SLC24A2: variants seen among roughly 807,000 people sequenced by gnomAD.
The protein encoded by SLC24A2 is sodium/potassium/calcium exchanger 2.
SLC24A2 carries 36 observed loss-of-function variants against 62.0 expected under a neutral mutation model. That is an observed-to-expected ratio of 0.58 (90% CI 0.44 to 0.77). The LOEUF (loss-of-function observed/expected upper bound fraction) is 0.77. SLC24A2 is among the 30% of genes least tolerant of loss of function. The pLI, the probability that SLC24A2 is intolerant of heterozygous loss-of-function variation, is 0.00. For synonymous variants in SLC24A2, 358 were observed against 294.0 expected, an observed-to-expected ratio of 1.22 and a Z score of -2.23; for missense variants, 846 against 817.9, an observed-to-expected ratio of 1.03 and a Z score of -0.42.
chr9:20,217,362 G>A, the SLC24A2 span, among the ~76,000 whole-genome samples: 1 of 152,166 alleles, frequency 6.6e-6, no homozygotes, highest in African/African-American at 2.4e-5. Flanking sequence ...GGCACTTCTG[G>A]TGTCCAGGTG....
At position 19,532,255 on chromosome 9, in the gene SLC24A2, C is replaced by T. The variant is rs112545646; in HGVS notation, c.1480-4117G>A. ...GATTACAGGGATGTGCCACCATGCCCGGCTAATTTTTTGTATTTTTAGTAG... is the reference window on the plus strand; with the variant it reads ...GATTACAGGGATGTGCCACCATGCCTGGCTAATTTTTTGTATTTTTAGTAG... On this transcript the variant is annotated intron_variant, in intron 8 of 10. Coordinates refer to ENST00000341998, the MANE Select transcript of SLC24A2 (RefSeq NM_020344.4). Among the ~76,000 whole-genome samples, 112 of 152,078 alleles carry T rather than the reference C, an allele frequency of 7.4e-4. 1 individual carries two copies. The highest frequency in any genetic ancestry group is 2.2e-3 in the African/African-American group (92 of 41,470).
At chr9:20,276,084 C>T in the SLC24A2 span, among the ~76,000 whole-genome samples, 1 of 152,156 alleles carries the variant, frequency 6.6e-6, no homozygotes, top group African/African-American at 2.4e-5. Flanking sequence ...ATCATGTCCT[C>T]ACATTTCAAA....
Position 19,609,863 on chromosome 9 carries a change from C to T in SLC24A2, c.1078+9721G>A, listed in dbSNP as rs560021158. On this transcript the variant is annotated intron_variant, in intron 4 of 10. Transcript: ENST00000341998. ...CAGGCATTAGATTCTCATAAGGAGC[C>T]GCAACCTAGATCCTCACATGCACAG... is the stretch of plus-strand genomic sequence containing the variant. Among the ~76,000 whole-genome samples, 57 of 152,184 alleles carry T rather than the reference C, an allele frequency of 3.7e-4. 1 individual carries two copies. In the East Asian group the frequency reaches 8.3e-3, roughly 22 times the overall value.
chr9:19,716,123 C>G (rs989988571), intron 2 of SLC24A2, among the ~76,000 whole-genome samples: 1 of 152,270 alleles, frequency 6.6e-6, no homozygotes, highest in Middle Eastern at 3.4e-3. Flanking sequence ...CTAGGTTTTC[C>G]AGGCTTTCCC....
chr9:19,948,119 G>A, the SLC24A2 span, among the ~76,000 whole-genome samples: 4 of 152,164 alleles, frequency 2.6e-5, no homozygotes, highest in Non-Finnish European at 5.9e-5. Flanking sequence ...TGGAATGCGG[G>A]ACTCTTAAGC....
chr9:20,208,735 T>C, the SLC24A2 span, among the ~76,000 whole-genome samples: 3 of 152,214 alleles, frequency 2.0e-5, no homozygotes, highest in Non-Finnish European at 4.4e-5. Flanking sequence ...TCTAGGCTAC[T>C]GCCCAGAAGC....
chr9:19,963,915 C>G, the SLC24A2 span, among the ~76,000 whole-genome samples: 1 of 152,196 alleles, frequency 6.6e-6, no homozygotes, highest in African/African-American at 2.4e-5. Flanking sequence ...AAGACACATG[C>G]ACACGTATGT....
chr9:19,683,001 T>C (rs150234741), intron 2 of SLC24A2, among the ~76,000 whole-genome samples: 555 of 152,176 alleles, frequency 3.6e-3, no homozygotes, highest in Non-Finnish European at 6.7e-3. Context: ...ATACACATTA[T>C]GAGTGCAGTA....
intron 8 of SLC24A2, among the ~76,000 whole-genome samples, chr9:19,548,019 G>A (rs952960032): frequency 3.3e-5 from 5 of 151,606 alleles, no homozygotes; most frequent in African/African-American, 1.2e-4. Context: ...TGCTTTAAGT[G>A]AGCCACACCT....
At chr9:19,696,793 T>C (rs1018280939) in intron 2 of SLC24A2, among the ~76,000 whole-genome samples, 23 of 152,186 alleles carry the variant, frequency 1.5e-4, no homozygotes, top group African/African-American at 5.3e-4. Flanking sequence ...TTTTAAAATA[T>C]AAAATTAAAA....
At chr9:20,112,768 C>T in the SLC24A2 span, among the ~76,000 whole-genome samples, 1 of 151,946 alleles carries the variant, frequency 6.6e-6, no homozygotes, top group Admixed American at 6.6e-5. Context: ...GGCGAATCAC[C>T]TAATTTTTAG....
the SLC24A2 span, among the ~76,000 whole-genome samples, chr9:19,972,221 G>T: frequency 1.3e-5 from 2 of 152,112 alleles, no homozygotes; most frequent in African/African-American, 4.8e-5. Context: ...GAGCTACTGT[G>T]GCAATGAGAG....
the SLC24A2 span, among the ~76,000 whole-genome samples, chr9:20,197,909 T>C: frequency 6.6e-6 from 1 of 152,196 alleles, no homozygotes; most frequent in African/African-American, 2.4e-5. Context: ...AAAAGGTACC[T>C]GAAACACTAA....
At chr9:19,796,282 C>G in the SLC24A2 span, among the ~76,000 whole-genome samples, 1 of 152,030 alleles carries the variant, frequency 6.6e-6, no homozygotes, top group African/African-American at 2.4e-5. Flanking sequence ...AAAAAAAAAT[C>G]AGTTGAGCTG....
At chr9:19,977,649 C>G in the SLC24A2 span, among the ~76,000 whole-genome samples, 4 of 152,288 alleles carry the variant, frequency 2.6e-5, no homozygotes, top group East Asian at 7.7e-4. Flanking sequence ...CTTGATATTT[C>G]CTGCTTCAGG....
intron 2 of SLC24A2, among the ~76,000 whole-genome samples, chr9:19,729,962 A>G (rs578041280): frequency 1.4e-4 from 21 of 152,318 alleles, no homozygotes; most frequent in Admixed American, 3.9e-4. Context: ...ATATGGATCT[A>G]AACATCACTA....
chr9:19,731,420 G>C lies in SLC24A2; in HGVS notation c.930+54517C>G, dbSNP rs183008236. On this transcript the variant is annotated intron_variant, in intron 2 of 10. Transcript: ENST00000341998. ...AAGATAGTATAAAGAAGTAATTTAA[G>C]TTAAATACAATCATAAGGGTGGGGC... 3.3e-5 allele frequency among the ~76,000 whole-genome samples: 5 copies of C among 152,174 alleles called. No individual in the cohort carries two copies. In the East Asian group the frequency reaches 9.7e-4, roughly 29 times the overall value.
intron 2 of SLC24A2, among the ~76,000 whole-genome samples, chr9:19,690,225 T>C (rs1189077355): frequency 6.6e-6 from 1 of 152,016 alleles, no homozygotes; most frequent in Non-Finnish European, 1.5e-5. Flanking sequence ...ACTTCTCCTA[T>C]TGGTTCTATT....
At chr9:19,615,948 G>C (rs1172501177) in intron 4 of SLC24A2, among the ~76,000 whole-genome samples, 1 of 150,384 alleles carries the variant, frequency 6.6e-6, no homozygotes, top group African/African-American at 2.5e-5. Flanking sequence ...GGAACATTTA[G>C]ATTATTGAGA....
Sources: gnomAD v4.1 joint callset for allele counts (sites outside exome capture counted in the v4.1 genomes callset) on GRCh38, gnomAD v4.1.1 for gene constraint, MANE v1.5 for transcripts, NCBI Gene and HGNC (gene_info 2026-07-23, HGNC 2026-07-21) for gene names.